Variants in AS3MT observed in about 807,000 individuals in gnomAD.
AS3MT encodes S-adenosyl-L-methionine:arsenic(III) methyltransferase.
AS3MT carries 47 observed loss-of-function variants against 45.3 expected under a neutral mutation model. That is an observed-to-expected ratio of 1.04 (90% CI 0.82 to 1.32). AS3MT has a LOEUF of 1.32. AS3MT is among the 40% of genes most tolerant of loss of function. The probability of loss-of-function intolerance (pLI) is 0.00; values close to 1 mark genes in which losing one functional copy is unlikely to be tolerated. For synonymous variants in AS3MT, 141 were observed against 152.8 expected, an observed-to-expected ratio of 0.92 and a Z score of 0.57; for missense variants, 396 against 451.1, an observed-to-expected ratio of 0.88 and a Z score of 1.11.
At chr10:102,870,266 G>T in intron 3 of AS3MT, 55 bp downstream of exon 3, 2 of 1,601,778 alleles carry the variant, frequency 1.2e-6, no homozygotes, top group South Asian at 2.2e-5. Flanking sequence ...TTTCCCAAAA[G>T]ATAATGATGC....
chr10:102,896,090 G>A (rs889686964), intron 10 of AS3MT, among the ~76,000 whole-genome samples: 12 of 151,628 alleles, frequency 7.9e-5, no homozygotes, highest in Non-Finnish European at 1.3e-4. Context: ...CCAGCACTTT[G>A]GGAGGCTGAG....
chr10:102,869,536 TGAGTCGCAGGCCGAGGAGACAGTGAGTGC>T lies in AS3MT; in HGVS notation c.-55_-27del, dbSNP rs1844636563. 1.3e-6 allele frequency: 2 copies of T among 1,523,026 alleles called. No individual in the cohort carries two copies. The highest frequency in any genetic ancestry group is 1.8e-6 in the Non-Finnish European group (2 of 1,138,502). 94.3% of individuals were successfully genotyped at this position (1,523,026 alleles called of 1,614,324 possible). ...CCGAGGAGACAGTGAGTGCGCGCCCTGAGTCGCAGGCCGAGGAGACAGTGAGTGCGCGCCCTGAGTCGCAGGCCGAGGAG... is the reference window on the plus strand; with the variant it reads ...CCGAGGAGACAGTGAGTGCGCGCCCTGCGCCCTGAGTCGCAGGCCGAGGAG... On this transcript the variant is annotated 5_prime_UTR_variant, in exon 1 of 11. Transcript: ENST00000369880.
chr10:102,898,105 C>T (rs965278332), intron 10 of AS3MT, among the ~76,000 whole-genome samples: 1 of 151,406 alleles, frequency 6.6e-6, no homozygotes, highest in Admixed American at 6.6e-5. Flanking sequence ...TAGGGAAGGA[C>T]ATTCTTATCT....
chr10:102,877,436 A>T (rs531502977), intron 7 of AS3MT, among the ~76,000 whole-genome samples: 13 of 152,118 alleles, frequency 8.5e-5, no homozygotes, highest in Admixed American at 8.5e-4. Flanking sequence ...ATAGTCTGGA[A>T]GTTGAGATAA....
rs139255772 is a variant in AS3MT at position 102,881,900 on chromosome 10, T to A, written c.885+2909T>A. ...ACAGGCATGTGTCACCATGCCTGGC[T>A]AATTTTTTATTTTTATTTTTTTGTT... On this transcript the variant is annotated intron_variant, in intron 9 of 10. Coordinates refer to ENST00000369880, the MANE Select transcript of AS3MT (RefSeq NM_020682.4). The surrounding 1 kb of genome is among the most constrained non-coding windows in gnomAD (Gnocchi z 4.2). Among the ~76,000 whole-genome samples the A allele has an allele frequency of 2.2e-3, 337 of 151,386 alleles. No homozygotes were observed. The highest frequency in any genetic ancestry group is 7.6e-3 in the African/African-American group (315 of 41,326).
intron 9 of AS3MT, among the ~76,000 whole-genome samples, chr10:102,884,778 C>T (rs1331444995): frequency 2.6e-5 from 4 of 152,164 alleles, no homozygotes; most frequent in East Asian, 1.9e-4. Flanking sequence ...AACTCCTGAC[C>T]TCAGACGATC....
At chr10:102,871,546 CAAAAAAAAAAAAA>C (rs748797211) in intron 3 of AS3MT, among the ~76,000 whole-genome samples, 4 of 23,266 alleles carry the variant, frequency 1.7e-4, no homozygotes, top group African/African-American at 2.1e-4. Flanking sequence ...GACTCCGTCT[CAAAAAAAAAAAAA>C]AAAAAAAAAA....
Position 102,877,044 on chromosome 10 carries a change from T to C in AS3MT, c.610+9T>C, listed in dbSNP as rs373776846. 11 of 1,612,650 alleles carry C rather than the reference T, an allele frequency of 6.8e-6. No homozygotes were observed. The African/African-American group carries it at 1.3e-4, about 20-fold the overall frequency. On this transcript the variant is annotated intron_variant, in intron 7 of 10. Transcript: ENST00000369880. ...ACACAAAGTTTTATGGGGTAGGTGATTTTGTTTAGTTTAGTATTAAGGCAG... is the reference window on the plus strand; with the variant it reads ...ACACAAAGTTTTATGGGGTAGGTGACTTTGTTTAGTTTAGTATTAAGGCAG...
chr10:102,888,881 A>ATAT (rs1491503446), intron 9 of AS3MT, among the ~76,000 whole-genome samples: 3 of 52,520 alleles, frequency 5.7e-5, no homozygotes, highest in African/African-American at 2.1e-4. Context: ...ATATATATAT[A>ATAT]TTTTTTTTTT....
chr10:102,891,304 G>T (rs913870178), intron 10 of AS3MT, among the ~76,000 whole-genome samples: 1 of 152,174 alleles, frequency 6.6e-6, no homozygotes, highest in African/African-American at 2.4e-5. Flanking sequence ...GAGTCGGCGC[G>T]GGGAGCCCTC....
intron 10 of AS3MT, among the ~76,000 whole-genome samples, chr10:102,899,758 C>T (rs1845241099): frequency 1.3e-5 from 2 of 151,204 alleles, no homozygotes; most frequent in Admixed American, 1.3e-4. Context: ...ACCTCCACCT[C>T]CTAGGTTCAA....
intron 9 of AS3MT, among the ~76,000 whole-genome samples, chr10:102,885,971 T>C (rs1440053508): frequency 1.3e-5 from 2 of 152,100 alleles, no homozygotes; most frequent in Non-Finnish European, 2.9e-5. Context: ...CAGGCCAGGA[T>C]TTCCTTCTTT....
At chr10:102,884,452 C>T (rs992612573) in intron 9 of AS3MT, among the ~76,000 whole-genome samples, 2 of 146,310 alleles carry the variant, frequency 1.4e-5, no homozygotes, top group Non-Finnish European at 3.0e-5. Flanking sequence ...CTCTTCACCT[C>T]TATGAGTTCA....
chr10:102,877,570 A>G (rs1434155326), intron 7 of AS3MT, among the ~76,000 whole-genome samples: 3 of 150,402 alleles, frequency 2.0e-5, no homozygotes, highest in African/African-American at 7.3e-5. Context: ...AAAAAAAAAA[A>G]AAAAAAAGAA....
chr10:102,896,493 C>G (rs1175043886), intron 10 of AS3MT, among the ~76,000 whole-genome samples: 1 of 151,826 alleles, frequency 6.6e-6, no homozygotes, highest in Non-Finnish European at 1.5e-5. Context: ...GCTCAGTATA[C>G]AAGCCACCTG....
chr10:102,898,804 A>T (rs1845223568), intron 10 of AS3MT, among the ~76,000 whole-genome samples: 2 of 152,174 alleles, frequency 1.3e-5, no homozygotes, highest in African/African-American at 2.4e-5. Flanking sequence ...AGATGGAGAG[A>T]CTGAGGCTCT....
chr10:102,869,845 G>T lies in AS3MT; in HGVS notation c.42G>T (p.Gln14His). 6.2e-7 allele frequency: 1 copy of T among 1,613,974 alleles called. No individual in the cohort carries two copies. Among genetic ancestry groups the T allele is most frequent in the South Asian group, 1.1e-5 (1 of 91,090 alleles). ...LRDAEIQKDV[Q>H]TYYGQVLKRS... Reference sequence around the variant, plus strand: ...ACGCTGAGATACAGAAGGACGTGCAGGTGAGAGCTGTAGGGCCTGGAATGG... The same window carrying T: ...ACGCTGAGATACAGAAGGACGTGCATGTGAGAGCTGTAGGGCCTGGAATGG... Residue 14 changes from glutamine to histidine, a missense_variant and splice_region_variant, in exon 2 of 11, where the codon CAG becomes CAT. Transcript: ENST00000369880.
rs766168360 is a variant in AS3MT, at chr10:102,878,962, C to T, written c.856C>T (p.Leu286=). The change falls in exon 9 of 11, where the codon CTA becomes TTA. Residue 286 remains leucine (L), a synonymous_variant. Coordinates refer to ENST00000369880, the MANE Select transcript of AS3MT (RefSeq NM_020682.4). ...NGGITGHEKE[L]MFDANFTFKE... ...AGGAATTACAGGACATGAAAAAGAA[C>T]TAATGTTTGATGCCAATTTTACATT... is the stretch of plus-strand genomic sequence containing the variant. 8.7e-6 allele frequency: 14 copies of T among 1,612,354 alleles called. No individual in the cohort carries two copies. The Admixed American group carries it at 1.5e-4, about 17-fold the overall frequency.
intron 8 of AS3MT, 39 bp downstream of exon 8, chr10:102,878,549 G>T: frequency 6.2e-7 from 1 of 1,604,142 alleles, no homozygotes. Flanking sequence ...TATAACTACA[G>T]CTTGAATGAT....
Sources: gnomAD v4.1 joint callset for allele counts (sites outside exome capture counted in the v4.1 genomes callset) on GRCh38, gnomAD v4.1.1 for gene constraint, Gnocchi (gnomAD v3.1) non-coding constraint, MANE v1.5 for transcripts, NCBI Gene and HGNC (gene_info 2026-07-23, HGNC 2026-07-21) for gene names.